Variants in GPLD1 observed in about 807,000 individuals in gnomAD.
GPLD1 encodes glycosylphosphatidylinositol specific phospholipase D1.
A neutral mutation model predicts 112.6 loss-of-function variants in GPLD1; 84 were observed. The ratio of observed to expected loss-of-function variants is 0.75; its 90% CI spans 0.63 to 0.89. The LOEUF (loss-of-function observed/expected upper bound fraction) is 0.89, where lower values mean the gene tolerates loss of function less well. Among genes scored for constraint, GPLD1 ranks in the 40% least tolerant of loss-of-function variants. The probability of loss-of-function intolerance (pLI) is 0.00; values close to 1 mark genes in which losing one functional copy is unlikely to be tolerated. For synonymous variants in GPLD1, 386 were observed against 403.8 expected, an observed-to-expected ratio of 0.96 and a Z score of 0.53; for missense variants, 1,044 against 1,051.5, an observed-to-expected ratio of 0.99 and a Z score of 0.10.
chr6:24,464,023 A>T (rs1763517304), intron 10 of GPLD1, among the ~76,000 whole-genome samples: 1 of 152,226 alleles, frequency 6.6e-6, no homozygotes, highest in African/African-American at 2.4e-5. Context: ...AGCTATTTGG[A>T]GAACCAAACC....
At chr6:24,485,159 C>T (rs937780802) in intron 2 of GPLD1, among the ~76,000 whole-genome samples, 7 of 152,184 alleles carry the variant, frequency 4.6e-5, no homozygotes, top group African/African-American at 1.7e-4. Context: ...CCTTCTCCTC[C>T]TGGTGATGCA....
chr6:24,432,174 G>A (rs146034367), intron 24 of GPLD1, among the ~76,000 whole-genome samples: 111 of 149,312 alleles, frequency 7.4e-4, no homozygotes, highest in Middle Eastern at 3.5e-3. Flanking sequence ...TTGAGTCCAG[G>A]AGACAGAGGT....
At chr6:24,461,206 G>A (rs925434142) in intron 11 of GPLD1, among the ~76,000 whole-genome samples, 2 of 152,030 alleles carry the variant, frequency 1.3e-5, no homozygotes, top group Non-Finnish European at 2.9e-5. Context: ...TAAGTGACGG[G>A]GCCCTGGGCA....
At chr6:24,442,422 ATTTTTTTTTTTTTTTTTTTTTTTTTTTTT>A (rs71002496) in intron 20 of GPLD1, among the ~76,000 whole-genome samples, 1 of 60,618 alleles carries the variant, frequency 1.6e-5, no homozygotes, top group East Asian at 5.7e-4. Flanking sequence ...CATCTGGCTA[ATTTTTTTTTTTTTTTTTTTTTTTTTTTTT>A]TTTTTTTTTT....
chr6:24,487,905 T>C (rs1764429339), intron 1 of GPLD1, among the ~76,000 whole-genome samples: 1 of 152,196 alleles, frequency 6.6e-6, no homozygotes. Context: ...AGTTTCTTCA[T>C]CTGTAAAAGA....
intron 14 of GPLD1, among the ~76,000 whole-genome samples, chr6:24,453,062 A>T (rs1012193159): frequency 2.6e-5 from 4 of 152,038 alleles, no homozygotes; most frequent in Non-Finnish European, 5.9e-5. Flanking sequence ...GATGTTAGAA[A>T]AACTTTCCAG....
chr6:24,478,209 G>A (rs775188830), intron 3 of GPLD1, among the ~76,000 whole-genome samples: 16 of 152,076 alleles, frequency 1.1e-4, no homozygotes, highest in Non-Finnish European at 2.1e-4. Flanking sequence ...AATACAGTTT[G>A]GGAAGTGCTA....
At position 24,428,996 on chromosome 6, in the gene GPLD1, G is replaced by C; in HGVS notation, c.*36C>G. The stretch of plus-strand genomic sequence containing the variant: ...TCACCATGGATGTGATTCAGCATGA[G>C]AGAGGTGGGCAGAGTGGGGAAATGC... On this transcript the variant is annotated 3_prime_UTR_variant, in exon 25 of 25. Coordinates refer to ENST00000230036, the MANE Select transcript of GPLD1 (RefSeq NM_001503.4). 7.2e-7 allele frequency: 1 copy of C among 1,393,472 alleles called. No homozygotes were observed. The highest frequency in any genetic ancestry group is 1.0e-6 in the Non-Finnish European group (1 of 983,948). 86.3% of individuals were successfully genotyped at this position (1,393,472 alleles called of 1,614,324 possible).
chr6:24,467,956 G>C (rs1365678648), intron 7 of GPLD1, among the ~76,000 whole-genome samples: 1 of 152,006 alleles, frequency 6.6e-6, no homozygotes, highest in Non-Finnish European at 1.5e-5. Flanking sequence ...GCCCAGGCTG[G>C]AGTGCAATGG....
At chr6:24,466,161 A>G (rs1042045625) in intron 10 of GPLD1, among the ~76,000 whole-genome samples, 2 of 152,274 alleles carry the variant, frequency 1.3e-5, no homozygotes, top group African/African-American at 4.8e-5. Context: ...CCTGGCCAAT[A>G]TGGCGAAACC....
chr6:24,448,213 A>G lies in GPLD1; in HGVS notation c.1447-5T>C. On this transcript the variant is annotated splice_polypyrimidine_tract_variant and splice_region_variant and intron_variant, in intron 15 of 24. Transcript: ENST00000230036. ...AAAGTAGACATACACGGCACCCTAG[A>G]TAAGGACAAACAGCAGATAGACATG... The G allele has an allele frequency of 6.3e-7, 1 of 1,596,920 alleles. No individual in the cohort carries two copies. Among genetic ancestry groups the G allele is most frequent in the African/African-American group, 1.4e-5 (1 of 72,448 alleles).
chr6:24,449,815 C>G lies in GPLD1; in HGVS notation c.1420G>C (p.Val474Leu), dbSNP rs753378919. 1.2e-6 allele frequency: 2 copies of G among 1,613,584 alleles called. No homozygotes were observed. The highest frequency in any genetic ancestry group is 4.5e-5 in the East Asian group (2 of 44,856). Reference protein sequence around the residue: ...VPDLAVGAPSVGSEQLTYKGA... With the variant: ...VPDLAVGAPSLGSEQLTYKGA... Reference sequence around the variant, plus strand: ...TTGTAGGTGAGCTGCTCGGAGCCCACCGAGGGAGCTCCCACGGCCAGGTCA... The same window carrying G: ...TTGTAGGTGAGCTGCTCGGAGCCCAGCGAGGGAGCTCCCACGGCCAGGTCA... Residue 474 changes from valine (V) to leucine (L), a missense_variant, in exon 15 of 25, where the codon GTG (valine) becomes CTG (leucine). Val to Leu is a conservative substitution (Grantham distance 32). Transcript: ENST00000230036.
chr6:24,472,087 CAAAT>C (rs1323598939), intron 7 of GPLD1, among the ~76,000 whole-genome samples: 2 of 152,104 alleles, frequency 1.3e-5, no homozygotes, highest in African/African-American at 2.4e-5. Flanking sequence ...TAAATACTCA[CAAAT>C]AAATAAAAAG....
chr6:24,492,916 G>A (rs534679657), upstream of GPLD1, among the ~76,000 whole-genome samples: 1 of 152,272 alleles, frequency 6.6e-6, no homozygotes, highest in South Asian at 2.1e-4. Flanking sequence ...ATCTGCATTG[G>A]TGTAAGATTA....
At chr6:24,451,589 G>A (rs1258990560) in intron 14 of GPLD1, among the ~76,000 whole-genome samples, 1 of 152,186 alleles carries the variant, frequency 6.6e-6, no homozygotes, top group Non-Finnish European at 1.5e-5. Flanking sequence ...GCCCGCCTTG[G>A]CCTCCCAAAG....
chr6:24,462,151 G>C (rs909529678), intron 11 of GPLD1, among the ~76,000 whole-genome samples: 1 of 151,546 alleles, frequency 6.6e-6, no homozygotes, highest in South Asian at 2.1e-4. Flanking sequence ...TTCTTTTTTT[G>C]AGACAGGATC....
chr6:24,449,741 C>A, intron 15 of GPLD1, 48 bp downstream of exon 15: 1 of 1,332,978 alleles, frequency 7.5e-7, no homozygotes, highest in South Asian at 1.3e-5. Context: ...TCAGAGTCCC[C>A]TCCCTGCCAC....
In GPLD1 at chr6:24,429,008, G is replaced by A. The variant is rs566107770; in HGVS notation, c.*24C>T. 5.0e-5 allele frequency: 76 copies of A among 1,508,158 alleles called. No individual in the cohort carries two copies. Among genetic ancestry groups the A allele is most frequent in the South Asian group, 2.1e-4 (18 of 87,788 alleles). The allele number at this position is 1,508,158 out of a possible 1,614,324, so 93.4% of individuals were successfully genotyped here. A position where few individuals can be genotyped will look rare whatever the true frequency, so the allele number is the denominator to read the frequency against. ...TGATTCAGCATGAGAGAGGTGGGCAGAGTGGGGAAATGCAGTGAAATCTTC... is the reference window on the plus strand; with the variant it reads ...TGATTCAGCATGAGAGAGGTGGGCAAAGTGGGGAAATGCAGTGAAATCTTC... On this transcript the variant is annotated 3_prime_UTR_variant, in exon 25 of 25. Transcript: ENST00000230036.
At chr6:24,467,145 T>C (rs372313931) in intron 8 of GPLD1, 22 bp downstream of exon 8, 3 of 1,345,460 alleles carry the variant, frequency 2.2e-6, no homozygotes, top group Non-Finnish European at 3.2e-6. Flanking sequence ...CAGCTGCAAA[T>C]TGTCCTCTGA....
Sources: gnomAD v4.1 joint callset for allele counts (sites outside exome capture counted in the v4.1 genomes callset) on GRCh38, gnomAD v4.1.1 for gene constraint, MANE v1.5 for transcripts, NCBI Gene and HGNC (gene_info 2026-07-23, HGNC 2026-07-21) for gene names.